ZMAT4: variants seen among roughly 807,000 people sequenced by gnomAD.
ZMAT4 encodes the protein zinc finger matrin-type 4.
Under a neutral mutation model 28.7 loss-of-function variants are expected in ZMAT4, and 17 were observed. The observed-to-expected ratio is 0.59, with a 90% CI of 0.41 to 0.89. The LOEUF (loss-of-function observed/expected upper bound fraction) is 0.89, where lower values mean the gene tolerates loss of function less well. ZMAT4 is among the 40% of genes least tolerant of loss of function. ZMAT4 has a pLI of 0.00. For synonymous variants in ZMAT4, 117 were observed against 109.2 expected (o/e 1.07, Z -0.44); for missense variants, 240 against 283.8 (o/e 0.85, Z 1.11).
chr8:40,812,419 G>A (rs984998799), intron 2 of ZMAT4, among the ~76,000 whole-genome samples: 10 of 152,160 alleles, frequency 6.6e-5, no homozygotes, highest in African/African-American at 1.9e-4. Context: ...AACGTATCTC[G>A]GCTGAGGGCC....
intron 1 of ZMAT4, among the ~76,000 whole-genome samples, chr8:40,881,599 A>AAAGAAAG (rs750851490): frequency 0.045 from 3,485 of 77,340 alleles, 255 homozygotes; most frequent in East Asian, 0.06. Context: ...AGAAAGAAAG[A>AAAGAAAG]AAAGAAAAGA....
chr8:40,665,524 A>G (rs1808376823), intron 5 of ZMAT4, among the ~76,000 whole-genome samples: 1 of 152,178 alleles, frequency 6.6e-6, no homozygotes, highest in African/African-American at 2.4e-5. Flanking sequence ...TTGCATGGCT[A>G]TGTTCACTCC....
chr8:40,627,522 A>C (rs933585995), intron 5 of ZMAT4, among the ~76,000 whole-genome samples: 15 of 152,190 alleles, frequency 9.9e-5, no homozygotes, highest in Non-Finnish European at 2.1e-4. Flanking sequence ...TGTATTCCTA[A>C]AATATTCAAT....
intron 1 of ZMAT4, among the ~76,000 whole-genome samples, chr8:40,857,861 TA>T (rs1187337986): frequency 6.6e-6 from 1 of 152,048 alleles, no homozygotes; most frequent in African/African-American, 2.4e-5. Context: ...ACTACAAATA[TA>T]AGGGACAATC....
At chr8:40,843,167 G>T (rs1462610965) in intron 1 of ZMAT4, among the ~76,000 whole-genome samples, 1 of 152,218 alleles carries the variant, frequency 6.6e-6, no homozygotes, top group African/African-American at 2.4e-5. Flanking sequence ...AAGCAATTTT[G>T]GTTTCCTTCT....
chr8:40,781,757 G>A (rs541663324), intron 2 of ZMAT4, among the ~76,000 whole-genome samples: 681 of 46,668 alleles, frequency 0.015, 4 homozygotes, highest in Middle Eastern at 0.077. Flanking sequence ...GCGAGACTCC[G>A]TCTCAAAAAA....
intron 6 of ZMAT4, among the ~76,000 whole-genome samples, chr8:40,542,441 T>G (rs1468282844): frequency 6.6e-6 from 1 of 152,220 alleles, no homozygotes; most frequent in East Asian, 1.9e-4. Context: ...CAGGCTGGAG[T>G]GCAGTGGTGT....
intron 1 of ZMAT4, among the ~76,000 whole-genome samples, chr8:40,852,730 G>C (rs1042400576): frequency 1.3e-5 from 2 of 152,174 alleles, no homozygotes; most frequent in African/African-American, 4.8e-5. Context: ...ACCCACCCAT[G>C]ATTTTGTAAC....
chr8:40,829,058 T>C (rs1816181618), intron 1 of ZMAT4, among the ~76,000 whole-genome samples: 1 of 152,178 alleles, frequency 6.6e-6, no homozygotes, highest in African/African-American at 2.4e-5. Flanking sequence ...CACTGATCAC[T>C]TACTGGTCAG....
intron 2 of ZMAT4, among the ~76,000 whole-genome samples, chr8:40,770,307 T>A (rs1232526966): frequency 6.6e-6 from 1 of 151,608 alleles, no homozygotes; most frequent in Admixed American, 6.6e-5. Context: ...GGGGGAGGAG[T>A]GTGGAGTCAC....
intron 6 of ZMAT4, among the ~76,000 whole-genome samples, chr8:40,571,695 C>A (rs979507584): frequency 6.6e-6 from 1 of 152,098 alleles, no homozygotes; most frequent in African/African-American, 2.4e-5. Flanking sequence ...ATGGGGCAAG[C>A]AAAGAATTAG....
At chr8:40,704,832 T>C (rs781465039) in intron 3 of ZMAT4, among the ~76,000 whole-genome samples, 7 of 152,232 alleles carry the variant, frequency 4.6e-5, no homozygotes, top group Non-Finnish European at 8.8e-5. Flanking sequence ...CCAATTGGCA[T>C]AAAGTGGCAT....
At chr8:40,587,421 A>G (rs539998082) in intron 5 of ZMAT4, among the ~76,000 whole-genome samples, 2 of 152,302 alleles carry the variant, frequency 1.3e-5, no homozygotes, top group African/African-American at 4.8e-5. Flanking sequence ...TTAAGCAAAA[A>G]TTAAAACACT....
At chr8:40,680,458 A>G (rs1809106164) in intron 4 of ZMAT4, among the ~76,000 whole-genome samples, 1 of 152,182 alleles carries the variant, frequency 6.6e-6, no homozygotes, top group Admixed American at 6.5e-5. Context: ...CAACTGTTCC[A>G]GAGATGAGAG....
At chr8:40,534,928 C>T (rs1367198422) in intron 6 of ZMAT4, among the ~76,000 whole-genome samples, 1 of 152,068 alleles carries the variant, frequency 6.6e-6, no homozygotes, top group East Asian at 1.9e-4. Context: ...GGTGATCCAC[C>T]CAACTCAGCC....
intron 1 of ZMAT4, among the ~76,000 whole-genome samples, chr8:40,854,165 A>C (rs557761434): frequency 3.6e-4 from 55 of 152,276 alleles, no homozygotes; most frequent in Non-Finnish European, 7.1e-4. Context: ...CCAATACCAG[A>C]GATCATATTT....
intron 6 of ZMAT4, among the ~76,000 whole-genome samples, chr8:40,561,146 TCA>T (rs1203538326): frequency 1.3e-5 from 2 of 152,174 alleles, no homozygotes; most frequent in African/African-American, 4.8e-5. Context: ...GCAAAGAGAT[TCA>T]GTGTCATTTG....
At chr8:40,792,219 G>A (rs144592007) in intron 2 of ZMAT4, among the ~76,000 whole-genome samples, 1 of 151,822 alleles carries the variant, frequency 6.6e-6, no homozygotes, top group Non-Finnish European at 1.5e-5. Context: ...ATTTTTGTAT[G>A]TGAAAAAAGG....
At chr8:40,672,682 A>G (rs544559251) in intron 5 of ZMAT4, among the ~76,000 whole-genome samples, 1 of 152,354 alleles carries the variant, frequency 6.6e-6, no homozygotes, top group Non-Finnish European at 1.5e-5. Context: ...TCTTCAAGTC[A>G]TAATAACTGG....
Sources: allele counts gnomAD v4.1 joint callset (sites outside exome capture counted in the v4.1 genomes callset), GRCh38; gene constraint gnomAD v4.1.1; transcripts MANE v1.5; gene names NCBI Gene and HGNC (gene_info 2026-07-23, HGNC 2026-07-21).